The following AGBL3 variants were observed in gnomAD, a reference collection of about 807,000 sequenced individuals.
AGBL3 encodes the protein cytosolic carboxypeptidase 3.
A neutral mutation model predicts 94.5 loss-of-function variants in AGBL3; 68 were observed. The observed-to-expected ratio is 0.72, with a 90% CI of 0.59 to 0.88. The LOEUF (loss-of-function observed/expected upper bound fraction) is 0.88. Ranked by LOEUF, AGBL3 falls within the 40% of genes least tolerant of loss-of-function variation. The pLI, the probability that AGBL3 is intolerant of heterozygous loss-of-function variation, is 0.00. For missense variants in AGBL3, 934 were observed against 1,103.8 expected, an observed-to-expected ratio of 0.85 and a Z score of 2.18; for synonymous variants, 354 against 370.7, an observed-to-expected ratio of 0.95 and a Z score of 0.52.
intron 14 of AGBL3, among the ~76,000 whole-genome samples, chr7:135,080,757 T>C (rs1820848267): frequency 6.6e-6 from 1 of 151,538 alleles, no homozygotes; most frequent in Non-Finnish European, 1.5e-5. Context: ...TTTTTTTTTT[T>C]TTCTTAATTC....
intron 15 of AGBL3, among the ~76,000 whole-genome samples, chr7:135,096,468 G>A (rs1473314986): frequency 6.7e-6 from 1 of 149,678 alleles, no homozygotes; most frequent in Non-Finnish European, 1.5e-5. Flanking sequence ...ACTCGTGGAA[G>A]AACATATACA....
At chr7:135,133,835 A>G (rs1187090597) in intron 16 of AGBL3, among the ~76,000 whole-genome samples, 2 of 152,174 alleles carry the variant, frequency 1.3e-5, no homozygotes, top group African/African-American at 4.8e-5. Context: ...ATGTCATTGA[A>G]TGGATGAATT....
chr7:135,130,295 A>G (rs562516509), intron 16 of AGBL3, among the ~76,000 whole-genome samples: 1 of 152,336 alleles, frequency 6.6e-6, no homozygotes, highest in South Asian at 2.1e-4. Context: ...ATTTATAATA[A>G]TTTAAAAATA....
rs1214755710 is a variant in AGBL3, at chr7:135,115,446, TA to T, written c.2180del (p.Asn727IlefsTer15). On this transcript the variant is annotated frameshift_variant, in exon 16 of 17. Transcript: ENST00000436302. LOFTEE classifies it high-confidence loss of function. ...TCTTTCCAAAGCAAGAAGACTGGCA[TA>T]AATTGGACAGATGATGAAAAAAGAA... ...CISFQSKKTG[I>X]NWTDDEKRSY... 1.9e-6 allele frequency: 3 copies of T among 1,551,402 alleles called. No homozygotes were observed. Among genetic ancestry groups the T allele is most frequent in the South Asian group, 2.4e-5 (2 of 84,060 alleles).
chr7:135,032,281 G>T lies in AGBL3; in HGVS notation c.419-563G>T, dbSNP rs374939571. Among the ~76,000 whole-genome samples, 51 of 151,832 alleles carry T rather than the reference G, an allele frequency of 3.4e-4. 1 individual carries two copies. The highest frequency in any genetic ancestry group is 1.0e-3 in the African/African-American group (43 of 41,350). ...CAATTACTTCATCATGACCAGAAAT[G>T]GAGTGAATTTTTTTGTTTTTTTGTT... On this transcript the variant is annotated intron_variant, in intron 5 of 16. Transcript: ENST00000436302.
At chr7:135,096,098 G>A (rs187742216) in intron 15 of AGBL3, among the ~76,000 whole-genome samples, 117 of 151,920 alleles carry the variant, frequency 7.7e-4, no homozygotes, top group Admixed American at 5.2e-3. Context: ...GTTGCAGTGA[G>A]CTGAGATCAT....
intron 16 of AGBL3, chr7:135,129,097 G>A (rs1828361439): frequency 3.8e-6 from 6 of 1,591,386 alleles, no homozygotes; most frequent in Middle Eastern, 1.7e-4. Flanking sequence ...GCCACTACTG[G>A]TCAGGTCAAA....
At chr7:135,080,035 AATATTAG>A (rs1364279252) in intron 13 of AGBL3, among the ~76,000 whole-genome samples, 161 bp from the exon 14 acceptor site, 1 of 152,152 alleles carries the variant, frequency 6.6e-6, no homozygotes, top group Non-Finnish European at 1.5e-5. Context: ...CGTAGGGAAA[AATATTAG>A]AAGACTCTGA....
At chr7:135,005,436 C>T (rs1812264542) in intron 4 of AGBL3, among the ~76,000 whole-genome samples, 2 of 151,572 alleles carry the variant, frequency 1.3e-5, no homozygotes, top group African/African-American at 2.4e-5. Flanking sequence ...TAAAACTACA[C>T]AATGTTGATG....
chr7:135,096,584 C>CATAGATAGATAG (rs71172496), intron 15 of AGBL3, among the ~76,000 whole-genome samples: 15,050 of 87,560 alleles, frequency 0.17, 1,382 homozygotes, highest in East Asian at 0.29. Context: ...TAGATAGATA[C>CATAGATAGATAG]ATAGATAGAT....
chr7:135,133,183 G>A (rs554784504), intron 16 of AGBL3, among the ~76,000 whole-genome samples: 2 of 152,108 alleles, frequency 1.3e-5, no homozygotes, highest in South Asian at 4.1e-4. Flanking sequence ...AATAAGCAAT[G>A]AACATGTGAA....
intron 11 of AGBL3, among the ~76,000 whole-genome samples, chr7:135,054,967 C>T (rs1818207821): frequency 6.6e-6 from 1 of 152,288 alleles, no homozygotes; most frequent in East Asian, 1.9e-4. Flanking sequence ...ACCTGCTCAG[C>T]TTCTGGTGAG....
chr7:135,106,566 C>T (rs934384682), intron 15 of AGBL3, among the ~76,000 whole-genome samples: 1 of 152,226 alleles, frequency 6.6e-6, no homozygotes, highest in Non-Finnish European at 1.5e-5. Flanking sequence ...ATAAAGCCTA[C>T]TTGATCATGG....
At chr7:135,079,848 T>C (rs1216043721) in intron 13 of AGBL3, among the ~76,000 whole-genome samples, 1 of 152,158 alleles carries the variant, frequency 6.6e-6, no homozygotes, top group African/African-American at 2.4e-5. Flanking sequence ...TTTCACACTT[T>C]TATCTTCCCA....
intron 15 of AGBL3, 43 bp downstream of exon 15, chr7:135,081,833 T>G: frequency 8.1e-7 from 1 of 1,231,878 alleles, no homozygotes. Context: ...TGGTCCCCTA[T>G]GATCTGAATG....
Position 135,032,827 on chromosome 7 carries a change from T to G in AGBL3, c.419-17T>G, listed in dbSNP as rs1815910706. 6.5e-7 allele frequency: 1 copy of G among 1,537,022 alleles called. No individual in the cohort carries two copies. Among genetic ancestry groups the G allele is most frequent in the African/African-American group, 1.4e-5 (1 of 71,760 alleles). Reference sequence around the variant, plus strand: ...TAGGTATACCTTGACATCTTTATGATCTTCTTCTCTCATCAGCTTACAAAG... The same window carrying G: ...TAGGTATACCTTGACATCTTTATGAGCTTCTTCTCTCATCAGCTTACAAAG... On this transcript the variant is annotated splice_polypyrimidine_tract_variant and intron_variant, in intron 5 of 16. Coordinates refer to ENST00000436302, the MANE Select transcript of AGBL3 (RefSeq NM_178563.4).
At chr7:135,119,745 C>T (rs1188445019) in intron 16 of AGBL3, among the ~76,000 whole-genome samples, 2 of 152,112 alleles carry the variant, frequency 1.3e-5, no homozygotes, top group Admixed American at 6.5e-5. Flanking sequence ...GGCGTGGCAG[C>T]GGGTGCCTGT....
intron 4 of AGBL3, among the ~76,000 whole-genome samples, chr7:135,008,811 A>C (rs999103605): frequency 6.6e-6 from 1 of 152,194 alleles, no homozygotes; most frequent in African/African-American, 2.4e-5. Flanking sequence ...ACAAATTTTA[A>C]AGTGTGCAAA....
At chr7:134,999,592 T>C (rs4728343) in intron 4 of AGBL3, among the ~76,000 whole-genome samples, 74,827 of 152,118 alleles carry the variant, frequency 0.49, 21,142 homozygotes, top group Admixed American at 0.65. Flanking sequence ...AGAGTGTTCT[T>C]CTGGTGGGCA....
Sources: gnomAD v4.1 joint callset for allele counts (sites outside exome capture counted in the v4.1 genomes callset) on GRCh38, gnomAD v4.1.1 for gene constraint, MANE v1.5 for transcripts, NCBI Gene and HGNC (gene_info 2026-07-23, HGNC 2026-07-21) for gene names.